RAP1GDS1: variants seen among roughly 807,000 people sequenced by gnomAD.
RAP1GDS1 encodes the protein Rap1 GTPase-GDP dissociation stimulator 1.
A neutral mutation model predicts 71.1 loss-of-function variants in RAP1GDS1; 35 were observed. That is an observed-to-expected ratio of 0.49 (90% CI 0.38 to 0.65). The LOEUF (loss-of-function observed/expected upper bound fraction) is 0.65, where lower values mean the gene tolerates loss of function less well. Ranked by LOEUF, RAP1GDS1 falls within the 30% of genes least tolerant of loss-of-function variation. The pLI is 0.00. For synonymous variants in RAP1GDS1, 229 were observed against 243.1 expected, an observed-to-expected ratio of 0.94 and a Z score of 0.54; for missense variants, 663 against 706.1, an observed-to-expected ratio of 0.94 and a Z score of 0.69.
intron 7 of RAP1GDS1, among the ~76,000 whole-genome samples, chr4:98,413,976 T>C (rs1205720026): frequency 2.0e-5 from 3 of 152,212 alleles, no homozygotes; most frequent in Admixed American, 6.5e-5. Flanking sequence ...CCAGTGATGA[T>C]GAGCATTTTT....
chr4:98,393,936 T>A (rs1744122966), intron 6 of RAP1GDS1, among the ~76,000 whole-genome samples: 1 of 152,156 alleles, frequency 6.6e-6, no homozygotes, highest in South Asian at 2.1e-4. Context: ...ATGGTTCCAT[T>A]TTTGCTCTCA....
At chr4:98,394,903 C>T (rs1744292513) in intron 6 of RAP1GDS1, among the ~76,000 whole-genome samples, 1 of 151,998 alleles carries the variant, frequency 6.6e-6, no homozygotes, top group Non-Finnish European at 1.5e-5. Flanking sequence ...TTGACTATGG[C>T]CCATAATAAG....
intron 6 of RAP1GDS1, among the ~76,000 whole-genome samples, chr4:98,400,414 C>T (rs944045127): frequency 6.7e-6 from 1 of 150,256 alleles, no homozygotes; most frequent in African/African-American, 2.5e-5. Flanking sequence ...TGTTTTCTTG[C>T]AACAACATGG....
At chr4:98,341,318 A>G (rs1000118228) in intron 2 of RAP1GDS1, among the ~76,000 whole-genome samples, 1 of 152,232 alleles carries the variant, frequency 6.6e-6, no homozygotes, top group African/African-American at 2.4e-5. Context: ...ATTCCTGTTT[A>G]GTACAGCTAT....
At chr4:98,340,559 C>T (rs1195667496) in intron 2 of RAP1GDS1, among the ~76,000 whole-genome samples, 1 of 151,902 alleles carries the variant, frequency 6.6e-6, no homozygotes, top group Non-Finnish European at 1.5e-5. Flanking sequence ...ACCAGCCTGG[C>T]CAACATAGCA....
At chr4:98,321,275 A>G (rs1731836124) in intron 2 of RAP1GDS1, among the ~76,000 whole-genome samples, 1 of 148,970 alleles carries the variant, frequency 6.7e-6, no homozygotes, top group South Asian at 2.2e-4. Flanking sequence ...ACTATGTGAA[A>G]AGACCAAATC....
chr4:98,357,640 GTTT>G (rs747692972), intron 4 of RAP1GDS1, among the ~76,000 whole-genome samples: 1 of 151,796 alleles, frequency 6.6e-6, no homozygotes, highest in African/African-American at 2.4e-5. Context: ...CACTAAATAT[GTTT>G]TTTTATCAGA....
At chr4:98,287,065 A>T (rs1726156868) in intron 1 of RAP1GDS1, among the ~76,000 whole-genome samples, 1 of 152,198 alleles carries the variant, frequency 6.6e-6, no homozygotes, top group East Asian at 1.9e-4. Context: ...TTCTAAAAAA[A>T]CATGCCAGTG....
chr4:98,357,326 G>GT (rs1738109382), intron 4 of RAP1GDS1, among the ~76,000 whole-genome samples: 1 of 151,778 alleles, frequency 6.6e-6, no homozygotes, highest in South Asian at 2.1e-4. Flanking sequence ...AGTAAGTAGC[G>GT]TAAAAATAAG....
At chr4:98,432,941 C>G (rs369555635) in intron 12 of RAP1GDS1, among the ~76,000 whole-genome samples, 1 of 150,982 alleles carries the variant, frequency 6.6e-6, no homozygotes, top group Non-Finnish European at 1.5e-5. Context: ...TATATGTTTT[C>G]TGTGTAATAA....
intron 4 of RAP1GDS1, among the ~76,000 whole-genome samples, chr4:98,359,306 AAAG>A (rs1330562841): frequency 6.6e-6 from 1 of 152,190 alleles, no homozygotes; most frequent in African/African-American, 2.4e-5. Context: ...TAGACCAAAA[AAAG>A]TGAAATTATG....
intron 5 of RAP1GDS1, among the ~76,000 whole-genome samples, chr4:98,391,607 A>T (rs1167435511): frequency 6.6e-6 from 1 of 152,034 alleles, no homozygotes; most frequent in Non-Finnish European, 1.5e-5. Flanking sequence ...TGTTACTCTA[A>T]ATTTTTCACT....
At chr4:98,345,053 G>A (rs1370720531) in intron 3 of RAP1GDS1, among the ~76,000 whole-genome samples, 3 of 152,008 alleles carry the variant, frequency 2.0e-5, no homozygotes, top group East Asian at 1.9e-4. Context: ...GGCTTGTCTC[G>A]AACTCCTGGA....
chr4:98,352,500 A>G lies in RAP1GDS1; in HGVS notation c.260A>G (p.Asp87Gly), dbSNP rs756216187. The change falls in exon 4 of 15, where the codon GAT (aspartate) becomes GGT (glycine). Residue 87 changes from aspartate (D) to glycine (G), a missense_variant. Physicochemically the swap from Asp to Gly is moderately conservative, Grantham distance 94 (BLOSUM62 -1). Coordinates refer to ENST00000408927, the MANE Select transcript of RAP1GDS1 (RefSeq NM_001100427.2). ...GAGTTTATGCGAATTCCATGTGTGG[A>G]TGCTGGATTGATTTCACCACTGGTG... ...KNEFMRIPCVDAGLISPLVQL... is the reference protein window; with the variant it reads ...KNEFMRIPCVGAGLISPLVQL... 184 of 1,613,812 alleles carry G rather than the reference A, an allele frequency of 1.1e-4. 1 individual carries two copies. The East Asian group carries it at 4.1e-3, about 36-fold the overall frequency.
intron 3 of RAP1GDS1, among the ~76,000 whole-genome samples, chr4:98,352,196 A>G (rs1453030254): frequency 6.6e-6 from 1 of 152,178 alleles, no homozygotes; most frequent in South Asian, 2.1e-4. Flanking sequence ...GTGATAAATT[A>G]GTTGTGATGT....
At position 98,420,030 on chromosome 4, in the gene RAP1GDS1, G is replaced by A. The variant is rs1748587051; in HGVS notation, c.1186G>A (p.Ala396Thr). The change falls in exon 11 of 15, where the codon GCA (alanine) becomes ACA (threonine). Residue 396 changes from alanine to threonine, a missense_variant. By Grantham distance (58) the Ala-to-Thr change is moderately conservative. Coordinates refer to ENST00000408927, the MANE Select transcript of RAP1GDS1 (RefSeq NM_001100427.2). ...CTCTTTTTCTCCAGTTATAAATAAAGCAAAGATGTTATCAGCTGGGGTCAC... is the reference window on the plus strand; with the variant it reads ...CTCTTTTTCTCCAGTTATAAATAAAACAAAGATGTTATCAGCTGGGGTCAC... ...RNLAIPVINK[A>T]KMLSAGVTEA... 1.3e-6 allele frequency: 2 copies of A among 1,597,484 alleles called. No individual in the cohort carries two copies. The highest frequency in any genetic ancestry group is 4.5e-5 in the East Asian group (2 of 44,258).
At chr4:98,328,945 A>G (rs1733540734) in intron 2 of RAP1GDS1, among the ~76,000 whole-genome samples, 1 of 152,258 alleles carries the variant, frequency 6.6e-6, no homozygotes, top group Non-Finnish European at 1.5e-5. Flanking sequence ...ACCAAGGCAG[A>G]TTTTAGATTT....
intron 1 of RAP1GDS1, among the ~76,000 whole-genome samples, chr4:98,264,390 C>CT (rs1256205422): frequency 2.6e-5 from 4 of 151,970 alleles, no homozygotes; most frequent in Non-Finnish European, 5.9e-5. Flanking sequence ...GAGGGAAACT[C>CT]TGTCTCAAAA....
At chr4:98,272,865 G>T (rs1476091577) in intron 1 of RAP1GDS1, among the ~76,000 whole-genome samples, 1 of 152,096 alleles carries the variant, frequency 6.6e-6, no homozygotes, top group Non-Finnish European at 1.5e-5. Flanking sequence ...TTGTTGTTGC[G>T]TAGGATGAGA....
Sources: gnomAD v4.1 joint callset for allele counts (sites outside exome capture counted in the v4.1 genomes callset) on GRCh38, gnomAD v4.1.1 for gene constraint, MANE v1.5 for transcripts, NCBI Gene and HGNC (gene_info 2026-07-23, HGNC 2026-07-21) for gene names.